The following CDH13 variants were observed in gnomAD, a reference collection of about 807,000 sequenced individuals.
CDH13 encodes cadherin-13.
CDH13 carries 24 observed loss-of-function variants against 63.8 expected under a neutral mutation model. The ratio of observed to expected loss-of-function variants is 0.38; its 90% confidence interval spans 0.27 to 0.53. CDH13 has a LOEUF of 0.53. Among genes scored for constraint, CDH13 ranks in the 20% least tolerant of loss-of-function variants. CDH13 has a pLI of 0.85. For synonymous variants in CDH13, 503 were observed against 355.3 expected, an observed-to-expected ratio of 1.42 and a Z score of -4.67; for missense variants, 1,049 against 903.1, an observed-to-expected ratio of 1.16 and a Z score of -2.07.
chr16:83,220,187 A>G (rs917647967), intron 5 of CDH13, among the ~76,000 whole-genome samples: 1 of 152,160 alleles, frequency 6.6e-6, no homozygotes, highest in African/African-American at 2.4e-5. Flanking sequence ...TCATACCCGC[A>G]CTGAAGCTTC....
chr16:82,670,451 C>G (rs1048689444), intron 1 of CDH13, among the ~76,000 whole-genome samples: 5 of 152,136 alleles, frequency 3.3e-5, no homozygotes, highest in African/African-American at 1.2e-4. Flanking sequence ...AAAGCTACAG[C>G]AATTCTGGAA....
chr16:83,398,742 A>G (rs1434715943), intron 6 of CDH13, among the ~76,000 whole-genome samples: 3 of 152,230 alleles, frequency 2.0e-5, no homozygotes, highest in Admixed American at 1.3e-4. Context: ...GCTGCTCCAA[A>G]GAGAGAGAAA....
chr16:83,387,443 C>T (rs1298676054), intron 6 of CDH13, among the ~76,000 whole-genome samples: 1 of 152,074 alleles, frequency 6.6e-6, no homozygotes, highest in Non-Finnish European at 1.5e-5. Flanking sequence ...GATATTAGCT[C>T]TTGGGTGTGT....
At chr16:82,702,925 A>G (rs1031309286) in intron 1 of CDH13, among the ~76,000 whole-genome samples, 2 of 152,036 alleles carry the variant, frequency 1.3e-5, no homozygotes, top group Non-Finnish European at 2.9e-5. Flanking sequence ...TTGGTTGGCT[A>G]TGAAGTAAGC....
At chr16:83,394,255 A>C (rs927979041) in intron 6 of CDH13, among the ~76,000 whole-genome samples, 1 of 152,156 alleles carries the variant, frequency 6.6e-6, no homozygotes, top group East Asian at 1.9e-4. Context: ...TTTTAAAAAA[A>C]AAAAACAAAA....
chr16:83,617,894 A>G (rs1160679026), intron 8 of CDH13, among the ~76,000 whole-genome samples: 1 of 152,186 alleles, frequency 6.6e-6, no homozygotes, highest in Non-Finnish European at 1.5e-5. Context: ...ATGACATAAA[A>G]TATTAAATAT....
At chr16:83,750,145 A>C (rs1232519860) in intron 11 of CDH13, among the ~76,000 whole-genome samples, 2 of 152,038 alleles carry the variant, frequency 1.3e-5, no homozygotes, top group Non-Finnish European at 2.9e-5. Context: ...AAGATACAAA[A>C]ATGAGCTGGG....
chr16:83,150,009 T>G (rs1019669897), intron 4 of CDH13, among the ~76,000 whole-genome samples: 1 of 152,210 alleles, frequency 6.6e-6, no homozygotes, highest in African/African-American at 2.4e-5. Context: ...CTTTATGTGT[T>G]TGTTTCCCTT....
chr16:83,330,318 G>C (rs9938575), intron 5 of CDH13, among the ~76,000 whole-genome samples: 3 of 152,174 alleles, frequency 2.0e-5, no homozygotes, highest in African/African-American at 7.2e-5. Flanking sequence ...AGTTTTGTAA[G>C]ATGTTTCCAC....
chr16:82,703,525 T>A (rs1308242690), intron 1 of CDH13, among the ~76,000 whole-genome samples: 3 of 152,182 alleles, frequency 2.0e-5, no homozygotes, highest in African/African-American at 7.2e-5. Context: ...CCAGGGAGAA[T>A]GAGCTCCAGT....
chr16:83,185,100 A>G (rs1326593812), intron 4 of CDH13, among the ~76,000 whole-genome samples: 2 of 152,088 alleles, frequency 1.3e-5, no homozygotes, highest in Non-Finnish European at 2.9e-5. Flanking sequence ...CCTATTTTAT[A>G]TATAAAGAAA....
chr16:83,339,160 G>C (rs1402114793), intron 5 of CDH13, among the ~76,000 whole-genome samples: 3 of 152,084 alleles, frequency 2.0e-5, no homozygotes, highest in Admixed American at 6.6e-5. Flanking sequence ...AATGGATGTG[G>C]GCAGGATATG....
intron 8 of CDH13, among the ~76,000 whole-genome samples, chr16:83,646,947 TTGTCCTTTCCTGGAGGTCTACACCAGGC>T (rs1911878970): frequency 6.6e-6 from 1 of 152,014 alleles, no homozygotes; most frequent in African/African-American, 2.4e-5. Context: ...CATTTACGTT[TTGTCCTTTCCTGGAGGTCTACACCAGGC>T]ACCTGGGACT....
chr16:83,393,909 T>C (rs1037316343), intron 6 of CDH13, among the ~76,000 whole-genome samples: 1 of 152,108 alleles, frequency 6.6e-6, no homozygotes, highest in African/African-American at 2.4e-5. Context: ...TAGAATACTA[T>C]GCAGCCATAA....
intron 6 of CDH13, among the ~76,000 whole-genome samples, chr16:83,389,426 A>G (rs1239925626): frequency 7.9e-5 from 12 of 152,108 alleles, no homozygotes; most frequent in Non-Finnish European, 1.6e-4. Flanking sequence ...TTCCCATTTG[A>G]CCCCGAATTC....
At chr16:83,739,546 C>T (rs980124812) in intron 10 of CDH13, among the ~76,000 whole-genome samples, 16 of 152,030 alleles carry the variant, frequency 1.1e-4, no homozygotes, top group Admixed American at 4.6e-4. Flanking sequence ...GAGTGGTCTT[C>T]GGGACCCCCA....
chr16:83,519,624 A>T (rs2074782188), intron 7 of CDH13, among the ~76,000 whole-genome samples: 1 of 152,206 alleles, frequency 6.6e-6, no homozygotes, highest in Admixed American at 6.5e-5. Context: ...AATGAGTTAA[A>T]CCTATTTCTA....
intron 1 of CDH13, among the ~76,000 whole-genome samples, chr16:82,741,117 C>T (rs559860139): frequency 6.6e-6 from 1 of 152,300 alleles, no homozygotes; most frequent in South Asian, 2.1e-4. Context: ...TCCTTTCCTT[C>T]CACTTTCACA....
intron 5 of CDH13, among the ~76,000 whole-genome samples, chr16:83,288,520 T>TCC (rs1286555979): frequency 6.6e-6 from 1 of 152,106 alleles, no homozygotes; most frequent in African/African-American, 2.4e-5. Flanking sequence ...GGGTGGCAGC[T>TCC]CCCTGTGCCT....
Sources: allele counts gnomAD v4.1 joint callset (sites outside exome capture counted in the v4.1 genomes callset), GRCh38; gene constraint gnomAD v4.1.1; transcripts MANE v1.5; gene names NCBI Gene and HGNC (gene_info 2026-07-23, HGNC 2026-07-21).